The following SLC39A10 variants were observed in gnomAD, a reference collection of about 807,000 sequenced individuals.
SLC39A10 encodes the protein solute carrier family 39 member 10.
In SLC39A10, 13 loss-of-function variants were observed where a neutral mutation model predicts 65.1. The observed-to-expected ratio is 0.20, with a 90% CI of 0.13 to 0.32. The LOEUF is 0.32. SLC39A10 is among the 10% of genes least tolerant of loss of function. The pLI is 1.00. For missense variants in SLC39A10, 831 were observed against 1,018.4 expected (o/e 0.82, Z 2.50); for synonymous variants, 321 against 342.2 (o/e 0.94, Z 0.68).
chr2:195,641,428 T>G (rs1688809075), intron 2 of SLC39A10, among the ~76,000 whole-genome samples: 1 of 152,146 alleles, frequency 6.6e-6, no homozygotes, highest in Non-Finnish European at 1.5e-5. Context: ...ATTTAAAAAT[T>G]TTTAGTAGTC....
chr2:195,708,516 A>G (rs1248578883), intron 4 of SLC39A10, 140 bp from the exon 5 acceptor site: 4 of 594,824 alleles, frequency 6.7e-6, no homozygotes, highest in Non-Finnish European at 1.1e-5. Flanking sequence ...AGACTAAGTG[A>G]GATAATATCT....
chr2:195,683,444 T>C (rs1443426883), intron 2 of SLC39A10, among the ~76,000 whole-genome samples: 1 of 152,092 alleles, frequency 6.6e-6, no homozygotes, highest in East Asian at 1.9e-4. Context: ...GTCATCCTTA[T>C]CCATGACAGA....
chr2:195,633,855 G>C (rs181285584), intron 2 of SLC39A10, among the ~76,000 whole-genome samples: 42 of 152,256 alleles, frequency 2.8e-4, no homozygotes, highest in African/African-American at 9.6e-4. Context: ...AGGGTGGGGT[G>C]GGGTGAGGCC....
intron 8 of SLC39A10, among the ~76,000 whole-genome samples, chr2:195,719,419 G>A (rs530292633): frequency 9.9e-5 from 15 of 152,098 alleles, no homozygotes; most frequent in Admixed American, 7.2e-4. Flanking sequence ...GACACAGCAC[G>A]TGGCCTTTAA....
intron 2 of SLC39A10, among the ~76,000 whole-genome samples, chr2:195,615,619 C>T (rs935056704): frequency 6.6e-6 from 1 of 152,140 alleles, no homozygotes; most frequent in Non-Finnish European, 1.5e-5. Flanking sequence ...AGTTTAAGAA[C>T]CTCTAGATTC....
intron 9 of SLC39A10, among the ~76,000 whole-genome samples, chr2:195,733,349 A>C (rs1001946141): frequency 2.0e-5 from 3 of 152,214 alleles, no homozygotes; most frequent in Non-Finnish European, 4.4e-5. Context: ...CAATTCCTTC[A>C]CAATTTTAGA....
At chr2:195,617,727 T>TTATTTTATTTTATTTTATTG (rs1300517380) in intron 2 of SLC39A10, among the ~76,000 whole-genome samples, 2 of 134,648 alleles carry the variant, frequency 1.5e-5, no homozygotes, top group Admixed American at 1.6e-4. Context: ...TTCTTTTCTT[T>TTATTTTATTTTATTTTATTG]TATTTTATTT....
chr2:195,715,375 A>G (rs1160303638), intron 6 of SLC39A10, among the ~76,000 whole-genome samples: 1 of 151,864 alleles, frequency 6.6e-6, no homozygotes, highest in East Asian at 1.9e-4. Context: ...AGAATACAAA[A>G]ATTAGCCGGG....
rs1445001602 is a variant in SLC39A10 at position 195,678,562 on chromosome 2, G to T, written c.-11-1470G>T. Among the ~76,000 whole-genome samples the T allele has an allele frequency of 4.2e-4, 54 of 128,020 alleles. 1 individual carries two copies. The South Asian group carries it at 0.013, about 32-fold the overall frequency. 84.0% of individuals were successfully genotyped at this position (128,020 alleles called of 152,430 possible). On this transcript the variant is annotated intron_variant, in intron 1 of 9. Transcript: ENST00000359634. ...GTCTGCAGCCTGCCTTTTTAGTTAGGTTTTTTTTTTTTTTTTGGATGTCTC... is the reference window on the plus strand; with the variant it reads ...GTCTGCAGCCTGCCTTTTTAGTTAGTTTTTTTTTTTTTTTTTGGATGTCTC...
intron 3 of SLC39A10, among the ~76,000 whole-genome samples, chr2:195,689,969 G>A (rs1162615621): frequency 6.6e-6 from 1 of 151,982 alleles, no homozygotes; most frequent in East Asian, 1.9e-4. Context: ...CTGAGGTCAG[G>A]AGTTCGAGAC....
intron 2 of SLC39A10, among the ~76,000 whole-genome samples, chr2:195,649,977 T>G (rs534170091): frequency 1.3e-5 from 2 of 152,298 alleles, no homozygotes; most frequent in Admixed American, 6.5e-5. Context: ...ACTTCCTCTT[T>G]AGAAAAAACC....
At chr2:195,683,416 T>C (rs1383250586) in intron 2 of SLC39A10, among the ~76,000 whole-genome samples, 1 of 152,090 alleles carries the variant, frequency 6.6e-6, no homozygotes, top group African/African-American at 2.4e-5. Flanking sequence ...TACGAGAGTC[T>C]TGGGGATATA....
chr2:195,705,542 G>A (rs1199988462), intron 3 of SLC39A10, among the ~76,000 whole-genome samples: 1 of 151,940 alleles, frequency 6.6e-6, no homozygotes, highest in African/African-American at 2.4e-5. Flanking sequence ...ACTTTTCCTT[G>A]TTGTTGAAAA....
chr2:195,665,436 A>G (rs1438625561), intron 1 of SLC39A10, among the ~76,000 whole-genome samples: 2 of 152,246 alleles, frequency 1.3e-5, no homozygotes, highest in East Asian at 1.9e-4. Flanking sequence ...GCACCACTGC[A>G]CTACAGCCTG....
intron 1 of SLC39A10, among the ~76,000 whole-genome samples, chr2:195,659,379 G>A (rs1459477035): frequency 6.6e-6 from 1 of 152,128 alleles, no homozygotes. Flanking sequence ...TTGAGCACCT[G>A]ATTTGAAGTA....
chr2:195,652,890 G>C (rs1377320693), upstream of SLC39A10, among the ~76,000 whole-genome samples: 1 of 152,202 alleles, frequency 6.6e-6, no homozygotes, highest in Non-Finnish European at 1.5e-5. Flanking sequence ...GGTGGCATTA[G>C]ATTCTCATAG....
In SLC39A10 at chr2:195,728,140, C is replaced by A. The variant is rs764923040; in HGVS notation, c.2147-19C>A. 3 of 1,589,580 alleles carry A rather than the reference C, an allele frequency of 1.9e-6. No individual in the cohort carries two copies. In the South Asian group the frequency reaches 3.4e-5, roughly 18 times the overall value. On this transcript the variant is annotated intron_variant, in intron 8 of 9. Transcript: ENST00000359634. This position sits in a 1 kb window ranked among gnomAD's most constrained non-coding sequence, Gnocchi z 4.4. ...AAATCCTGTGGTTTTAAAACATTCC[C>A]ATTGTTTCTTAATTGCAGGAGATTT...
At position 195,728,418 on chromosome 2, in the gene SLC39A10, A is replaced by G. The variant is rs1254950284; in HGVS notation, c.2337+69A>G. On this transcript the variant is annotated intron_variant, in intron 9 of 9. Coordinates refer to ENST00000359634, the MANE Select transcript of SLC39A10 (RefSeq NM_020342.3). The surrounding 1 kb of genome is among the most constrained non-coding windows in gnomAD (Gnocchi z 4.4). ...AAAGAAATCCTTGGAAGTGGTTTGA[A>G]GCCAAACTATTTTTGAAAATATAAC... 10 of 1,407,302 alleles carry G rather than the reference A, an allele frequency of 7.1e-6. No individual in the cohort carries two copies. In the African/African-American group the frequency reaches 1.4e-4, roughly 20 times the overall value. 87.2% of individuals were successfully genotyped at this position (1,407,302 alleles called of 1,614,324 possible). A position where few individuals can be genotyped will look rare whatever the true frequency, so the allele number is the denominator to read the frequency against.
At chr2:195,644,501 C>A (rs1688871904) in intron 2 of SLC39A10, among the ~76,000 whole-genome samples, 1 of 151,788 alleles carries the variant, frequency 6.6e-6, no homozygotes, top group South Asian at 2.1e-4. Context: ...ACCACCACAC[C>A]CGGCTAATTT....
Sources: allele counts gnomAD v4.1 joint callset (sites outside exome capture counted in the v4.1 genomes callset), GRCh38; gene constraint gnomAD v4.1.1; non-coding constraint Gnocchi (gnomAD v3.1); transcripts MANE v1.5; gene names NCBI Gene and HGNC (gene_info 2026-07-23, HGNC 2026-07-21).